Variants in PRUNE2 observed in about 807,000 individuals in gnomAD.
PRUNE2 encodes protein prune homolog 2.
In PRUNE2, 164 loss-of-function variants were observed where a neutral mutation model predicts 252.0. The ratio of observed to expected loss-of-function variants is 0.65; its 90% CI spans 0.57 to 0.74. PRUNE2 has a LOEUF of 0.74. PRUNE2 is among the 30% of genes least tolerant of loss of function. PRUNE2 has a pLI of 0.00. For synonymous variants in PRUNE2, 1,292 were observed against 1,350.2 expected (o/e 0.96, Z 0.94); for missense variants, 3,495 against 3,711.0 (o/e 0.94, Z 1.51).
intron 17 of PRUNE2, among the ~76,000 whole-genome samples, chr9:76,619,902 G>C (rs1193544387): frequency 6.6e-6 from 1 of 152,198 alleles, no homozygotes; most frequent in East Asian, 1.9e-4. Context: ...ATACAGCTGA[G>C]CTGTGTCCAG....
intron 6 of PRUNE2, among the ~76,000 whole-genome samples, chr9:76,813,472 A>G (rs1170287919): frequency 6.6e-6 from 1 of 152,242 alleles, no homozygotes; most frequent in Non-Finnish European, 1.5e-5. Context: ...TTGTGTCTCT[A>G]GTCATCACAT....
At position 76,611,497 on chromosome 9, in the gene PRUNE2, CAG is replaced by C. The variant is rs1419583424; in HGVS notation, c.*3071_*3072del. The C allele has an allele frequency of 6.6e-6, 1 of 152,162 alleles. No individual in the cohort carries two copies. Among genetic ancestry groups the C allele is most frequent in the Non-Finnish European group, 1.5e-5 (1 of 68,036 alleles). The allele number at this position is 152,162 out of a possible 1,614,324, so 9.4% of individuals were successfully genotyped here. A position where few individuals can be genotyped will look rare whatever the true frequency, so the allele number is the denominator to read the frequency against. ...ATTTATTTACCAAAACGAAGTCTAA[CAG>C]ACACTTTATTCTGAGCAATCCAATG... On this transcript the variant is annotated 3_prime_UTR_variant, in exon 19 of 19. Transcript: ENST00000376718.
At chr9:76,807,672 G>A (rs1240929416) in intron 6 of PRUNE2, among the ~76,000 whole-genome samples, 5 of 152,290 alleles carry the variant, frequency 3.3e-5, no homozygotes, top group Non-Finnish European at 2.9e-5. Flanking sequence ...AGGGACCAGT[G>A]TGATGTTCAT....
In PRUNE2 at chr9:76,710,001, G is replaced by A. The variant is rs768435339; in HGVS notation, c.2273C>T (p.Thr758Ile). The change falls in exon 8 of 19, where the codon ACA becomes ATA. Residue 758 changes from threonine to isoleucine, a missense_variant. Thr to Ile is a moderately conservative substitution (Grantham distance 89, BLOSUM62 -1). Transcript: ENST00000376718. ...AGCAAAGTCTTCTATCAGGTGGTTT[G>A]TTCCTTGGGGAGATGTATTTGGCAA... ...SPLPNTSPQG[T>I]NHLIEDFASL... is the part of the protein sequence containing the mutation. 2 of 1,613,790 alleles carry A rather than the reference G, an allele frequency of 1.2e-6. No homozygotes were observed. Among genetic ancestry groups the A allele is most frequent in the East Asian group, 2.2e-5 (1 of 44,862 alleles).
chr9:76,820,733 G>A (rs944276574), intron 6 of PRUNE2, among the ~76,000 whole-genome samples: 2 of 152,144 alleles, frequency 1.3e-5, no homozygotes, highest in African/African-American at 4.8e-5. Flanking sequence ...CTATAAATAT[G>A]TGGGCCATTT....
chr9:76,773,219 C>T (rs2053307009), intron 6 of PRUNE2, among the ~76,000 whole-genome samples: 1 of 152,096 alleles, frequency 6.6e-6, no homozygotes, highest in South Asian at 2.1e-4. Context: ...CTTTGAATTA[C>T]TGTGTGCACT....
At chr9:76,615,817 T>C (rs942178733) in intron 18 of PRUNE2, among the ~76,000 whole-genome samples, 2 of 121,854 alleles carry the variant, frequency 1.6e-5, no homozygotes, top group Non-Finnish European at 3.2e-5. Flanking sequence ...GTCGCCATGC[T>C]GGAGCTCAGT....
At position 76,692,495 on chromosome 9, in the gene PRUNE2, A is replaced by G. The variant is rs185703560; in HGVS notation, c.8276+10842T>C. 5 of 235,958 alleles carry G rather than the reference A, an allele frequency of 2.1e-5. No individual in the cohort carries two copies. In the Admixed American group the frequency reaches 2.7e-4, roughly 13 times the overall value. The allele number at this position is 235,958 out of a possible 1,614,324, so 14.6% of individuals were successfully genotyped here. ...AAAAAATCCTGTAGTTTCACAGCAC[A>G]TACCTATATGACAGCAATGTAATTA... On this transcript the variant is annotated intron_variant, in intron 9 of 18. Transcript: ENST00000376718.
intron 4 of PRUNE2, among the ~76,000 whole-genome samples, chr9:76,838,424 C>T (rs990960220): frequency 2.0e-5 from 3 of 151,894 alleles, no homozygotes; most frequent in African/African-American, 7.3e-5. Flanking sequence ...GCAGGTGGAT[C>T]ACTTGAGGCC....
At position 76,614,516 on chromosome 9, in the gene PRUNE2, T is replaced by C. The variant is rs1460509604; in HGVS notation, c.*54A>G. Reference sequence around the variant, plus strand: ...CAGCCCTGTCTCTTTCAGGTAGATATGTTTCAACAGAACCATGAACCAGAA... The same window carrying C: ...CAGCCCTGTCTCTTTCAGGTAGATACGTTTCAACAGAACCATGAACCAGAA... On this transcript the variant is annotated 3_prime_UTR_variant, in exon 19 of 19. Coordinates refer to ENST00000376718, the MANE Select transcript of PRUNE2 (RefSeq NM_015225.3). 7 of 1,457,066 alleles carry C rather than the reference T, an allele frequency of 4.8e-6. No homozygotes were observed. In the African/African-American group the frequency reaches 8.4e-5, roughly 17 times the overall value. 90.3% of individuals were successfully genotyped at this position (1,457,066 alleles called of 1,614,324 possible). A position where few individuals can be genotyped will look rare whatever the true frequency, so the allele number is the denominator to read the frequency against.
chr9:76,646,393 T>C (rs1327556525), intron 11 of PRUNE2, among the ~76,000 whole-genome samples: 1 of 152,184 alleles, frequency 6.6e-6, no homozygotes, highest in African/African-American at 2.4e-5. Flanking sequence ...GATAGCAAAA[T>C]GAAGTTCGGT....
chr9:76,774,054 A>C (rs2053417725), intron 6 of PRUNE2, among the ~76,000 whole-genome samples: 1 of 152,232 alleles, frequency 6.6e-6, no homozygotes, highest in African/African-American at 2.4e-5. Flanking sequence ...GGTCATTTCA[A>C]ATAATAATTA....
chr9:76,656,014 C>T lies in PRUNE2; in HGVS notation c.8277-512G>A, dbSNP rs547565849. Among the ~76,000 whole-genome samples, 4 of 152,260 alleles carry T rather than the reference C, an allele frequency of 2.6e-5. No homozygotes were observed. In the South Asian group the frequency reaches 8.3e-4, roughly 32 times the overall value. ...AGATTAAGCTACAAAAGTAAAGTGC[C>T]TAACACTCCTGAGCAGGCATAGACT... is the stretch of plus-strand genomic sequence containing the variant. On this transcript the variant is annotated intron_variant, in intron 9 of 18. Transcript: ENST00000376718.
At chr9:76,644,363 G>T (rs1843872442) in intron 12 of PRUNE2, 2 of 246,320 alleles carry the variant, frequency 8.1e-6, no homozygotes, top group South Asian at 4.4e-5. Context: ...AGCACCTCGG[G>T]GGTAGTGTTA....
chr9:76,850,364 A>T, intron 3 of PRUNE2, 99 bp downstream of exon 3: 1 of 920,276 alleles, frequency 1.1e-6, no homozygotes, highest in Non-Finnish European at 1.7e-6. Flanking sequence ...TGCTTTTAAT[A>T]CATCTGCCTA....
chr9:76,706,437 C>A lies in PRUNE2; in HGVS notation c.5837G>T (p.Gly1946Val). 1 of 1,613,970 alleles carries A rather than the reference C, an allele frequency of 6.2e-7. No individual in the cohort carries two copies. Reference protein sequence around the residue: ...SREQTFVSAAGDELTPETPTQ... With the variant: ...SREQTFVSAAVDELTPETPTQ... ...AGGTGTTTCAGGAGTCAGCTCATCA[C>A]CAGCAGCAGACACAAAGGTTTGCTC... Residue 1946 changes from glycine to valine, a missense_variant, in exon 8 of 19, where the codon GGT (glycine) becomes GTT (valine). Physicochemically the swap from Gly to Val is moderately radical, Grantham distance 109. Coordinates refer to ENST00000376718, the MANE Select transcript of PRUNE2 (RefSeq NM_015225.3).
intron 4 of PRUNE2, among the ~76,000 whole-genome samples, chr9:76,840,357 C>G (rs2059313730): frequency 6.6e-6 from 1 of 152,172 alleles, no homozygotes; most frequent in East Asian, 1.9e-4. Flanking sequence ...CCAAAGGAAT[C>G]AATATCTTGG....
intron 4 of PRUNE2, among the ~76,000 whole-genome samples, chr9:76,837,454 A>T (rs1428088192): frequency 2.6e-4 from 16 of 62,132 alleles, no homozygotes; most frequent in Admixed American, 4.4e-4. Flanking sequence ...TAATAATAAT[A>T]ATAATAATAA....
chr9:76,864,839 C>T (rs985420961), intron 1 of PRUNE2, among the ~76,000 whole-genome samples: 1 of 152,196 alleles, frequency 6.6e-6, no homozygotes. Context: ...TTTATTTTGG[C>T]TCATCAGATG....
Sources: gnomAD v4.1 joint callset for allele counts (sites outside exome capture counted in the v4.1 genomes callset) on GRCh38, gnomAD v4.1.1 for gene constraint, MANE v1.5 for transcripts, NCBI Gene and HGNC (gene_info 2026-07-23, HGNC 2026-07-21) for gene names.